SNAP47: variants seen among roughly 807,000 people sequenced by gnomAD.
SNAP47 encodes synaptosome associated protein 47, also known as synaptosomal-associated protein 47.
Under a neutral mutation model 31.4 loss-of-function variants are expected in SNAP47, and 20 were observed. The observed-to-expected ratio is 0.64, with a 90% CI of 0.45 to 0.93. SNAP47 has a LOEUF of 0.93. SNAP47 is among the 40% of genes least tolerant of loss of function. SNAP47 has a pLI of 0.00. For missense variants in SNAP47, 492 were observed against 528.5 expected, an observed-to-expected ratio of 0.93 and a Z score of 0.68; for synonymous variants, 194 against 213.4, an observed-to-expected ratio of 0.91 and a Z score of 0.79.
chr1:227,735,042 G>T (rs758357951), upstream of SNAP47: 19 of 1,552,796 alleles, frequency 1.2e-5, no homozygotes, highest in Non-Finnish European at 1.5e-5. Context: ...TCGAAGTCGG[G>T]CCTCCCCGCG....
chr1:227,733,035 G>A, upstream of SNAP47: 2 of 1,613,372 alleles, frequency 1.2e-6, no homozygotes, highest in Non-Finnish European at 1.7e-6. Flanking sequence ...ATCCTGGAAG[G>A]GGCACAGTGC....
At chr1:227,756,080 A>G (rs1180386883) in intron 2 of SNAP47, among the ~76,000 whole-genome samples, 3 of 152,150 alleles carry the variant, frequency 2.0e-5, no homozygotes, top group Admixed American at 6.5e-5. Flanking sequence ...TAACCCAACT[A>G]CCTTGGGCAC....
chr1:227,758,549 G>A lies in SNAP47; in HGVS notation c.498-446G>A, dbSNP rs535630408. On this transcript the variant is annotated intron_variant, in intron 2 of 4. Transcript: ENST00000617596. ...TGAGTCTGGCTGAGGCTGGGGGAAGGGGCCTGCTAGGCAGAGCTTCAGTTG... is the reference window on the plus strand; with the variant it reads ...TGAGTCTGGCTGAGGCTGGGGGAAGAGGCCTGCTAGGCAGAGCTTCAGTTG... Among the ~76,000 whole-genome samples, 4 of 152,310 alleles carry A rather than the reference G, an allele frequency of 2.6e-5. No homozygotes were observed. In the South Asian group the frequency reaches 8.3e-4, roughly 32 times the overall value.
chr1:227,742,174 TC>T (rs1244720986), intron 1 of SNAP47, among the ~76,000 whole-genome samples: 2 of 152,064 alleles, frequency 1.3e-5, no homozygotes, highest in Non-Finnish European at 2.9e-5. Context: ...ATGCTATCCC[TC>T]CCCCCTGCCC....
intron 2 of SNAP47, among the ~76,000 whole-genome samples, chr1:227,750,970 C>G (rs1348698275): frequency 6.6e-6 from 1 of 152,192 alleles, no homozygotes; most frequent in Non-Finnish European, 1.5e-5. Context: ...CCCAGAGCCC[C>G]CATGTTTGCT....
chr1:227,777,765 A>G (rs1434651199), intron 4 of SNAP47, among the ~76,000 whole-genome samples: 1 of 152,216 alleles, frequency 6.6e-6, no homozygotes, highest in Non-Finnish European at 1.5e-5. Flanking sequence ...CACTCCAGTC[A>G]GAGAGCCAGA....
rs777108584 is a variant in SNAP47, at chr1:227,748,021, G to A, written c.285G>A (p.Glu95=). The A allele has an allele frequency of 1.9e-6, 3 of 1,614,218 alleles. No homozygotes were observed. The highest frequency in any genetic ancestry group is 2.5e-6 in the Non-Finnish European group (3 of 1,180,040). ...PSRNVVFSII[E]HFWRELLLSQ... ...GAAATGTGGTCTTCAGCATCATCGA[G>A]CATTTCTGGAGGGAGCTGCTGCTGT... The change falls in exon 2 of 5, where the codon GAG becomes GAA. Residue 95 remains glutamate, a synonymous_variant. Coordinates refer to ENST00000617596, the MANE Select transcript of SNAP47 (RefSeq NM_053052.4).
intron 2 of SNAP47, among the ~76,000 whole-genome samples, chr1:227,752,431 C>T (rs1053942236): frequency 2.0e-5 from 3 of 152,106 alleles, no homozygotes; most frequent in Non-Finnish European, 4.4e-5. Flanking sequence ...CCACACCTGC[C>T]CTTCTCTCTG....
Position 227,763,516 on chromosome 1 carries a change from C to T in SNAP47, c.989-3443C>T, listed in dbSNP as rs1402785146. Among the ~76,000 whole-genome samples the T allele has an allele frequency of 6.6e-6, 1 of 152,120 alleles. No individual in the cohort carries two copies. The highest frequency in any genetic ancestry group is 1.5e-5 in the Non-Finnish European group (1 of 68,016). ...GTCTCTGCAGTTCGTTAGTGCCAGG[C>T]GTCTTTTGAGGCAGGGAAGTTCCCA... On this transcript the variant is annotated intron_variant, in intron 3 of 4. Transcript: ENST00000617596. The surrounding 1 kb of genome is among the most constrained non-coding windows in gnomAD (Gnocchi z 4.2).
intron 1 of SNAP47, among the ~76,000 whole-genome samples, chr1:227,739,878 C>A (rs1661475186): frequency 6.6e-6 from 1 of 152,210 alleles, no homozygotes; most frequent in African/African-American, 2.4e-5. Flanking sequence ...CACACCTGCA[C>A]TGGAGGAAGG....
chr1:227,763,688 G>A lies in SNAP47; in HGVS notation c.989-3271G>A, dbSNP rs185693809. ...ACCTGCGCGTGCGTATTGGTTGAGT[G>A]GGAGATGGAGCACACAAGCTGCTGT... On this transcript the variant is annotated intron_variant, in intron 3 of 4. Coordinates refer to ENST00000617596, the MANE Select transcript of SNAP47 (RefSeq NM_053052.4). This position sits in a 1 kb window ranked among gnomAD's most constrained non-coding sequence, Gnocchi z 4.2. 3.6e-4 allele frequency among the ~76,000 whole-genome samples: 55 copies of A among 152,324 alleles called. No individual in the cohort carries two copies. Among genetic ancestry groups the A allele is most frequent in the Admixed American group, 1.4e-3 (22 of 15,298 alleles).
At position 227,741,162 on chromosome 1, in the gene SNAP47, A is replaced by G. The variant is rs981583912; in HGVS notation, c.-46+5663A>G. Among the ~76,000 whole-genome samples, 1 of 152,140 alleles carries G rather than the reference A, an allele frequency of 6.6e-6. No homozygotes were observed. The highest frequency in any genetic ancestry group is 2.4e-5 in the African/African-American group (1 of 41,422). On this transcript the variant is annotated intron_variant, in intron 1 of 4. Coordinates refer to ENST00000617596, the MANE Select transcript of SNAP47 (RefSeq NM_053052.4). This position sits in a 1 kb window ranked among gnomAD's most constrained non-coding sequence, Gnocchi z 4.2. ...AGATCAGCGAGTGATCAGATGTCCA[A>G]GTTTGAAGCGTGAGGGAGTCTGGCT...
chr1:227,733,392 G>T, upstream of SNAP47: 1 of 1,566,406 alleles, frequency 6.4e-7, no homozygotes, highest in Non-Finnish European at 8.6e-7. Flanking sequence ...CCTGATAGGG[G>T]GCAGGAGAAG....
chr1:227,735,203 C>G, upstream of SNAP47: 1 of 1,582,980 alleles, frequency 6.3e-7, no homozygotes. Context: ...CGGAGCCTGG[C>G]CGACGCCGGG....
chr1:227,748,054 T>C lies in SNAP47; in HGVS notation c.318T>C (p.Pro106=), dbSNP rs779066216. ...HFWRELLLSQ[P]GAVADASVPR... is the part of the protein sequence containing the mutation. ...GGAGGGAGCTGCTGCTGTCTCAGCCTGGAGCCGTGGCAGACGCATCTGTCC... is the reference window on the plus strand; with the variant it reads ...GGAGGGAGCTGCTGCTGTCTCAGCCCGGAGCCGTGGCAGACGCATCTGTCC... Residue 106 remains proline, a synonymous_variant, in exon 2 of 5, where the codon CCT becomes CCC. Transcript: ENST00000617596. The C allele has an allele frequency of 1.2e-6, 2 of 1,614,152 alleles. No homozygotes were observed. Among genetic ancestry groups the C allele is most frequent in the South Asian group, 2.2e-5 (2 of 91,078 alleles).
chr1:227,748,897 A>G (rs1662159476), intron 2 of SNAP47, among the ~76,000 whole-genome samples: 1 of 152,190 alleles, frequency 6.6e-6, no homozygotes, highest in South Asian at 2.1e-4. Flanking sequence ...TTGTTTAAGA[A>G]TGCTTTTCTT....
intron 3 of SNAP47, among the ~76,000 whole-genome samples, chr1:227,765,840 T>C (rs1663357495): frequency 6.6e-6 from 1 of 152,090 alleles, no homozygotes; most frequent in Non-Finnish European, 1.5e-5. Context: ...CCTTCTCTGC[T>C]CAGCCGGGTG....
At chr1:227,733,679 G>C (rs778637248), upstream of SNAP47, 1 of 1,600,186 alleles carries the variant, frequency 6.2e-7, no homozygotes, top group African/African-American at 1.3e-5. Context: ...ATGGAACGGG[G>C]ACCTGCGGCA....
At chr1:227,739,025 C>T (rs761041613) in intron 1 of SNAP47, among the ~76,000 whole-genome samples, 5 of 152,080 alleles carry the variant, frequency 3.3e-5, no homozygotes, top group Non-Finnish European at 7.4e-5. Context: ...ACGCAGGAGG[C>T]CTGGAGTGTT....
Sources: allele counts gnomAD v4.1 joint callset (sites outside exome capture counted in the v4.1 genomes callset), GRCh38; gene constraint gnomAD v4.1.1; non-coding constraint Gnocchi (gnomAD v3.1); transcripts MANE v1.5; gene names NCBI Gene and HGNC (gene_info 2026-07-23, HGNC 2026-07-21).